The following MAP4K3 variants were observed in gnomAD, a reference collection of about 807,000 sequenced individuals.
The protein encoded by MAP4K3 is mitogen-activated protein kinase kinase kinase kinase 3.
In MAP4K3, 94 loss-of-function variants were observed where a neutral mutation model predicts 143.5. The ratio of observed to expected loss-of-function variants is 0.65; its 90% CI spans 0.55 to 0.78. The LOEUF is 0.78. Ranked by LOEUF, MAP4K3 falls within the 30% of genes least tolerant of loss-of-function variation. The pLI, the probability that MAP4K3 is intolerant of heterozygous loss-of-function variation, is 0.00. For synonymous variants in MAP4K3, 416 were observed against 347.2 expected (o/e 1.20, Z -2.20); for missense variants, 1,077 against 1,068.1 (o/e 1.01, Z -0.12).
chr2:39,272,461 T>C (rs1681067780), intron 25 of MAP4K3, 21 bp downstream of exon 25: 1 of 1,605,728 alleles, frequency 6.2e-7, no homozygotes, highest in Non-Finnish European at 8.5e-7. Flanking sequence ...TTGTAAGGTA[T>C]TTAAAAACTA....
chr2:39,275,455 C>A (rs924049667), intron 24 of MAP4K3, among the ~76,000 whole-genome samples: 3 of 152,138 alleles, frequency 2.0e-5, no homozygotes, highest in Admixed American at 6.6e-5. Flanking sequence ...GCCCTCCAGC[C>A]TGGGTGACAG....
chr2:39,278,053 G>A (rs1002093239), intron 24 of MAP4K3, among the ~76,000 whole-genome samples: 57 of 146,026 alleles, frequency 3.9e-4, no homozygotes, highest in East Asian at 2.1e-4. Flanking sequence ...AGGCCGAGGC[G>A]GGCAGATCAC....
At chr2:39,420,977 A>G (rs1667529946) in intron 1 of MAP4K3, among the ~76,000 whole-genome samples, 1 of 152,096 alleles carries the variant, frequency 6.6e-6, no homozygotes, top group Admixed American at 6.6e-5. Context: ...CAGGTCATCT[A>G]TGCCCCCAGT....
intron 2 of MAP4K3, among the ~76,000 whole-genome samples, chr2:39,369,203 TTG>T (rs1195400362): frequency 1.2e-5 from 1 of 85,014 alleles, no homozygotes; most frequent in African/African-American, 4.1e-5. Flanking sequence ...GTTTTTTTTT[TTG>T]TTTTTTTTGA....
intron 15 of MAP4K3, among the ~76,000 whole-genome samples, chr2:39,304,149 T>A (rs1262472731): frequency 7.3e-5 from 1 of 13,652 alleles, no homozygotes; most frequent in African/African-American, 8.9e-5. Flanking sequence ...AATTATCTGA[T>A]TTTTTTTTTT....
chr2:39,274,219 CTCTT>C (rs1373181404), intron 24 of MAP4K3, among the ~76,000 whole-genome samples: 3 of 144,408 alleles, frequency 2.1e-5, no homozygotes, highest in Admixed American at 6.9e-5. Flanking sequence ...TTCTTTCTCT[CTCTT>C]TTTTTTTTTT....
At chr2:39,365,546 G>A (rs986986534) in intron 2 of MAP4K3, among the ~76,000 whole-genome samples, 5 of 145,504 alleles carry the variant, frequency 3.4e-5, no homozygotes, top group East Asian at 2.1e-4. Flanking sequence ...CCGGGTTCAC[G>A]CCATTCTCCT....
At chr2:39,255,557 AT>A (rs1193998519) in intron 31 of MAP4K3, among the ~76,000 whole-genome samples, 3 of 152,074 alleles carry the variant, frequency 2.0e-5, no homozygotes, top group African/African-American at 4.8e-5. Flanking sequence ...CTACCTATTT[AT>A]TCCTGTGTTG....
At chr2:39,337,180 T>C (rs1453340430) in intron 5 of MAP4K3, among the ~76,000 whole-genome samples, 2 of 152,098 alleles carry the variant, frequency 1.3e-5, no homozygotes, top group Non-Finnish European at 2.9e-5. Flanking sequence ...ATTCTACAAA[T>C]AGTTTGAAAT....
At chr2:39,304,907 G>A (rs539012126) in intron 15 of MAP4K3, among the ~76,000 whole-genome samples, 2 of 152,262 alleles carry the variant, frequency 1.3e-5, no homozygotes, top group African/African-American at 4.8e-5. Flanking sequence ...GCTGCAACAC[G>A]GAGGAACCCT....
At chr2:39,356,430 AATAAGT>A in intron 2 of MAP4K3, 91 bp from the exon 3 acceptor site, 2 of 709,276 alleles carry the variant, frequency 2.8e-6, no homozygotes, top group Non-Finnish European at 5.0e-6. Flanking sequence ...TATACGTATT[AATAAGT>A]ATAACATAAT....
chr2:39,415,076 T>C (rs1381738215), intron 1 of MAP4K3, among the ~76,000 whole-genome samples: 1 of 152,128 alleles, frequency 6.6e-6, no homozygotes, highest in African/African-American at 2.4e-5. Flanking sequence ...AATCCCTAAG[T>C]TGGGTTTGGT....
At chr2:39,339,253 C>G (rs183899773) in intron 4 of MAP4K3, among the ~76,000 whole-genome samples, 2 of 152,210 alleles carry the variant, frequency 1.3e-5, no homozygotes, top group East Asian at 1.9e-4. Context: ...ATGGATAAAC[C>G]ATGTAACTTA....
Position 39,366,861 on chromosome 2 carries a change from T to C in MAP4K3, c.155-10522A>G, listed in dbSNP as rs540184285. Among the ~76,000 whole-genome samples, 33 of 152,260 alleles carry C rather than the reference T, an allele frequency of 2.2e-4. 1 individual carries two copies. In the East Asian group the frequency reaches 6.0e-3, roughly 28 times the overall value. On this transcript the variant is annotated intron_variant, in intron 2 of 33. Transcript: ENST00000263881. ...GGCTTAAGTAATTACAACATAAAAT[T>C]AGAAAAAACTTTTCTAAAACCACAG...
intron 1 of MAP4K3, among the ~76,000 whole-genome samples, chr2:39,428,863 T>C (rs1053779798): frequency 2.0e-5 from 3 of 148,958 alleles, no homozygotes; most frequent in Non-Finnish European, 4.5e-5. Context: ...AGGTCAAGAG[T>C]TCGAGACCAG....
chr2:39,333,629 C>A (rs1367612772), intron 6 of MAP4K3, 55 bp from the exon 7 acceptor site: 2 of 943,410 alleles, frequency 2.1e-6, no homozygotes, highest in Admixed American at 2.0e-5. Flanking sequence ...TATCAGACAG[C>A]ACATATATAA....
chr2:39,303,435 G>A (rs541473383), intron 15 of MAP4K3, among the ~76,000 whole-genome samples: 2 of 152,160 alleles, frequency 1.3e-5, no homozygotes, highest in African/African-American at 2.4e-5. Flanking sequence ...CTGCAGGCTC[G>A]GAAATGAATA....
chr2:39,277,538 T>G (rs1681321079), intron 24 of MAP4K3, among the ~76,000 whole-genome samples: 2 of 152,158 alleles, frequency 1.3e-5, no homozygotes, highest in Non-Finnish European at 2.9e-5. Context: ...TAACCTGTCT[T>G]CAGTATCTGG....
rs534915692 is a variant in MAP4K3 at position 39,268,408 on chromosome 2, C to T, written c.1974-1161G>A. Reference sequence around the variant, plus strand: ...TGATCTTGGCTCACTGCAACCTCCGCCTCCCAGGTTCAAGCAATCCTCCTG... The same window carrying T: ...TGATCTTGGCTCACTGCAACCTCCGTCTCCCAGGTTCAAGCAATCCTCCTG... On this transcript the variant is annotated intron_variant, in intron 26 of 33. Coordinates refer to ENST00000263881, the MANE Select transcript of MAP4K3 (RefSeq NM_003618.4). 4.6e-5 allele frequency among the ~76,000 whole-genome samples: 7 copies of T among 151,862 alleles called. No individual in the cohort carries two copies. The South Asian group carries it at 1.5e-3, about 32-fold the overall frequency.
Sources: allele counts gnomAD v4.1 joint callset (sites outside exome capture counted in the v4.1 genomes callset), GRCh38; gene constraint gnomAD v4.1.1; transcripts MANE v1.5; gene names NCBI Gene and HGNC (gene_info 2026-07-23, HGNC 2026-07-21).